The following TTC12 variants were observed in gnomAD, a reference collection of about 807,000 sequenced individuals.
TTC12 encodes tetratricopeptide repeat protein 12.
In TTC12, 70 loss-of-function variants were observed where a neutral mutation model predicts 90.1. The ratio of observed to expected loss-of-function variants is 0.78; its 90% CI spans 0.64 to 0.95. The LOEUF (loss-of-function observed/expected upper bound fraction) is 0.95, where lower values mean the gene tolerates loss of function less well. Ranked by LOEUF, TTC12 falls within the 40% of genes least tolerant of loss-of-function variation. TTC12 has a pLI of 0.00. For missense variants in TTC12, 819 were observed against 846.1 expected, an observed-to-expected ratio of 0.97 and a Z score of 0.40; for synonymous variants, 296 against 311.5, an observed-to-expected ratio of 0.95 and a Z score of 0.53.
intron 6 of TTC12, 87 bp downstream of exon 6, chr11:113,325,732 G>A: frequency 6.5e-7 from 1 of 1,547,550 alleles, no homozygotes; most frequent in Non-Finnish European, 8.8e-7. Flanking sequence ...GCTAGATGTT[G>A]GGCTGGGAAA....
chr11:113,354,010 T>C (rs1949473274), intron 16 of TTC12, among the ~76,000 whole-genome samples: 1 of 152,170 alleles, frequency 6.6e-6, no homozygotes, highest in Non-Finnish European at 1.5e-5. Context: ...ATGTCAATGG[T>C]AGTTTAGTAG....
intron 12 of TTC12, 72 bp from the exon 13 acceptor site, chr11:113,344,200 G>A (rs956713338): frequency 1.3e-6 from 2 of 1,498,726 alleles, no homozygotes; most frequent in Non-Finnish European, 1.8e-6. Flanking sequence ...TTCCCATTAG[G>A]ATAGAGGGTG....
intron 16 of TTC12, among the ~76,000 whole-genome samples, chr11:113,354,698 T>C (rs1047486113): frequency 1.3e-5 from 2 of 152,250 alleles, no homozygotes; most frequent in African/African-American, 2.4e-5. Flanking sequence ...CAAAAGCCTT[T>C]TCTGTATCTA....
intron 2 of TTC12, among the ~76,000 whole-genome samples, chr11:113,318,115 T>C (rs140892561): frequency 8.5e-4 from 130 of 152,360 alleles, no homozygotes; most frequent in African/African-American, 2.9e-3. Flanking sequence ...GCTCTTGCTA[T>C]GTGTTGAGTG....
At chr11:113,326,267 T>C (rs1316150012) in intron 6 of TTC12, among the ~76,000 whole-genome samples, 2 of 152,188 alleles carry the variant, frequency 1.3e-5, no homozygotes, top group Non-Finnish European at 2.9e-5. Context: ...TACTACTTAA[T>C]GAAGGGATAG....
In TTC12 at chr11:113,362,459, C is replaced by G; in HGVS notation, c.1673C>G (p.Ala558Gly). Residue 558 changes from alanine to glycine, a missense_variant, in exon 19 of 22, where the codon GCC (alanine) becomes GGC (glycine). Coordinates refer to ENST00000529221, the MANE Select transcript of TTC12 (RefSeq NM_017868.4). ...TCCTCTCTGAAAATTGTTGAGGAGG[C>G]CTTGCGAGCAGGAGTGGTAAAGAAA... ...LSSSLKIVEE[A>G]LRAGVVKKMM... is the part of the protein sequence containing the mutation. 3 of 1,613,920 alleles carry G rather than the reference C, an allele frequency of 1.9e-6. No individual in the cohort carries two copies. The highest frequency in any genetic ancestry group is 2.5e-6 in the Non-Finnish European group (3 of 1,179,846).
intron 16 of TTC12, among the ~76,000 whole-genome samples, chr11:113,352,961 A>G (rs1555150988): frequency 6.6e-6 from 1 of 152,196 alleles, no homozygotes; most frequent in African/African-American, 2.4e-5. Context: ...TCCTTTGGGT[A>G]TATACCCATT....
chr11:113,352,074 C>T lies in TTC12; in HGVS notation c.1313C>T (p.Thr438Ile), dbSNP rs782198414. The T allele has an allele frequency of 1.2e-6, 2 of 1,613,598 alleles. No homozygotes were observed. The highest frequency in any genetic ancestry group is 8.5e-7 in the Non-Finnish European group (1 of 1,179,860). Residue 438 changes from threonine (T) to isoleucine (I), a missense_variant, in exon 16 of 22, where the codon ACA becomes ATA. By Grantham distance (89) the Thr-to-Ile change is moderately conservative. Coordinates refer to ENST00000529221, the MANE Select transcript of TTC12 (RefSeq NM_017868.4). ...CTTCTCTCAATTCTCATTTAGAAGA[C>T]AGATCCCAAGGTAAGCAGCTCCTCG... ...VLPALTGVLK[T>I]DPKVSSSSAL... is the part of the protein sequence containing the mutation.
chr11:113,323,832 T>G (rs141502867), intron 3 of TTC12, among the ~76,000 whole-genome samples, 162 bp from the exon 4 acceptor site: 128 of 152,340 alleles, frequency 8.4e-4, no homozygotes, highest in African/African-American at 2.9e-3. Flanking sequence ...TCAGATCTCC[T>G]GATTTAAAGC....
chr11:113,345,731 C>G (rs554883736), intron 13 of TTC12, among the ~76,000 whole-genome samples: 1 of 152,296 alleles, frequency 6.6e-6, no homozygotes, highest in Non-Finnish European at 1.5e-5. Flanking sequence ...TTTCACATTT[C>G]AAATGACTCT....
rs1948278726 is a variant in TTC12 at position 113,334,982 on chromosome 11, C to T, written c.521C>T (p.Thr174Ile). 1.2e-6 allele frequency: 2 copies of T among 1,613,718 alleles called. No homozygotes were observed. The highest frequency in any genetic ancestry group is 1.7e-6 in the Non-Finnish European group (2 of 1,179,718). Residue 174 changes from threonine to isoleucine, a missense_variant, in exon 8 of 22, where the codon ACA becomes ATA. Transcript: ENST00000529221. ...EWALKCDEKCTKAYFHMGKAN... is the reference protein window; with the variant it reads ...EWALKCDEKCIKAYFHMGKAN... The stretch of plus-strand genomic sequence containing the variant: ...TTTATGCAGTGTGATGAAAAATGCA[C>T]AAAAGCATATTTTCACATGGGAAAA...
At chr11:113,335,674 C>T (rs1181848724) in intron 8 of TTC12, among the ~76,000 whole-genome samples, 3 of 152,096 alleles carry the variant, frequency 2.0e-5, no homozygotes, top group East Asian at 1.9e-4. Context: ...TAGAGTCATA[C>T]GATCTGTGGT....
chr11:113,321,348 G>T (rs1486568532), intron 2 of TTC12, among the ~76,000 whole-genome samples: 2 of 152,088 alleles, frequency 1.3e-5, no homozygotes, highest in African/African-American at 4.8e-5. Flanking sequence ...TGTGCACAAG[G>T]AAATATGTAC....
chr11:113,362,939 A>G (rs782021403), intron 19 of TTC12, among the ~76,000 whole-genome samples: 1 of 152,210 alleles, frequency 6.6e-6, no homozygotes, highest in Non-Finnish European at 1.5e-5. Flanking sequence ...CCATGTGACC[A>G]AAGGATGTTG....
At chr11:113,331,379 C>CTGTT in intron 7 of TTC12, among the ~76,000 whole-genome samples, 1 of 152,182 alleles carries the variant, frequency 6.6e-6, no homozygotes, top group African/African-American at 2.4e-5. Flanking sequence ...CAAACAACAT[C>CTGTT]ATTTGCTGCA....
intron 13 of TTC12, among the ~76,000 whole-genome samples, 163 bp downstream of exon 13, chr11:113,344,603 C>T (rs1277281331): frequency 6.6e-6 from 1 of 152,222 alleles, no homozygotes; most frequent in Non-Finnish European, 1.5e-5. Flanking sequence ...CTGGGACAGA[C>T]TCCTGTCCGA....
rs1949825683 is a variant in TTC12 at position 113,359,926 on chromosome 11, C to T, written c.1546-14C>T. 6.3e-7 allele frequency: 1 copy of T among 1,585,114 alleles called. No individual in the cohort carries two copies. The highest frequency in any genetic ancestry group is 8.6e-7 in the Non-Finnish European group (1 of 1,164,884). ...AAATTAAAATCTCCTGCTGGCCTCT[C>T]CCCATTGTTGTAGGTTTGGGCTGTG... On this transcript the variant is annotated splice_polypyrimidine_tract_variant and intron_variant, in intron 17 of 21. Transcript: ENST00000529221.
chr11:113,365,344 G>C (rs1312729785), intron 21 of TTC12: 3 of 399,554 alleles, frequency 7.5e-6, no homozygotes, highest in Non-Finnish European at 1.4e-5. Context: ...ATTCTCCACT[G>C]TTTTGCATCC....
At chr11:113,340,575 G>C in intron 10 of TTC12, 89 bp from the exon 11 acceptor site, 1 of 915,094 alleles carries the variant, frequency 1.1e-6, no homozygotes, top group Non-Finnish European at 1.8e-6. Flanking sequence ...TTCCATATTA[G>C]GTTTCTCATT....
Sources: gnomAD v4.1 joint callset for allele counts (sites outside exome capture counted in the v4.1 genomes callset) on GRCh38, gnomAD v4.1.1 for gene constraint, MANE v1.5 for transcripts, NCBI Gene and HGNC (gene_info 2026-07-23, HGNC 2026-07-21) for gene names.